Variants in GTF2I observed in about 807,000 individuals in gnomAD.
GTF2I encodes general transcription factor IIi, also known as general transcription factor II-I.
Under a neutral mutation model 67.6 loss-of-function variants are expected in GTF2I, and 12 were observed. The ratio of observed to expected loss-of-function variants is 0.18; its 90% CI spans 0.11 to 0.29. GTF2I has a LOEUF of 0.29. Among genes scored for constraint, GTF2I ranks in the 10% least tolerant of loss-of-function variants. The pLI is 1.00. For synonymous variants in GTF2I, 149 were observed against 197.0 expected (o/e 0.76, Z 2.04); for missense variants, 271 against 580.1 (o/e 0.47, Z 5.47).
At chr7:74,679,004 T>C (rs1786960652) in intron 1 of GTF2I, among the ~76,000 whole-genome samples, 1 of 151,816 alleles carries the variant, frequency 6.6e-6, no homozygotes, top group South Asian at 2.1e-4. Context: ...ACTCCTGACC[T>C]TGTGATTTGC....
intron 3 of GTF2I, among the ~76,000 whole-genome samples, chr7:74,695,106 G>A (rs1369191891): frequency 6.6e-6 from 1 of 152,190 alleles, no homozygotes; most frequent in African/African-American, 2.4e-5. Context: ...TGTATAAGGA[G>A]ATGCTTGCCA....
chr7:74,686,070 G>A lies in GTF2I; in HGVS notation c.-5-3054G>A, dbSNP rs182701167. ...CTTGGTCGCAGTCAGTCTGGGATTC[G>A]TTGCAGGAAGCAACCAATCAGAGGC... On this transcript the variant is annotated intron_variant, in intron 1 of 34. Coordinates refer to ENST00000573035, the MANE Select transcript of GTF2I (RefSeq NM_032999.4). Among the ~76,000 whole-genome samples, 185 of 152,256 alleles carry A rather than the reference G, an allele frequency of 1.2e-3. 1 individual carries two copies. The East Asian group carries it at 0.012, about 10-fold the overall frequency.
intron 3 of GTF2I, among the ~76,000 whole-genome samples, chr7:74,692,851 C>T (rs1323933914): frequency 2.6e-5 from 4 of 152,128 alleles, no homozygotes; most frequent in Admixed American, 6.6e-5. Flanking sequence ...CAACCTCTGC[C>T]TCTTGGGTTC....
At chr7:74,669,353 T>C (rs1584079105) in intron 1 of GTF2I, among the ~76,000 whole-genome samples, 1 of 149,590 alleles carries the variant, frequency 6.7e-6, no homozygotes, top group South Asian at 2.1e-4. Context: ...CTCAGCCTCC[T>C]GAGTAGCTGG....
chr7:74,695,928 G>A (rs932539256), intron 3 of GTF2I, among the ~76,000 whole-genome samples: 2 of 152,016 alleles, frequency 1.3e-5, no homozygotes, highest in Non-Finnish European at 2.9e-5. Context: ...AGCATTAAGG[G>A]CGCTGTCCTC....
intron 10 of GTF2I, among the ~76,000 whole-genome samples, chr7:74,716,134 G>A (rs1554403588): frequency 6.6e-6 from 1 of 151,890 alleles, no homozygotes; most frequent in Admixed American, 6.6e-5. Flanking sequence ...GATCTTTAAG[G>A]ACAGAGGATA....
chr7:74,677,220 T>G (rs1554392668), intron 1 of GTF2I, among the ~76,000 whole-genome samples: 1 of 152,212 alleles, frequency 6.6e-6, no homozygotes, highest in African/African-American at 2.4e-5. Flanking sequence ...GTCAGCTGAT[T>G]GAACTACTAG....
chr7:74,737,600 CGGGGTT>C, intron 18 of GTF2I, among the ~76,000 whole-genome samples: 1 of 123,474 alleles, frequency 8.1e-6, no homozygotes, highest in Admixed American at 8.3e-5. Context: ...AGTTTGGGTG[CGGGGTT>C]AGGAACAGAA....
chr7:74,698,611 T>TA (rs1196281950), intron 3 of GTF2I, among the ~76,000 whole-genome samples: 24 of 151,920 alleles, frequency 1.6e-4, no homozygotes, highest in African/African-American at 5.6e-4. Flanking sequence ...GTGTCCTTGT[T>TA]ATGTTGCCAA....
intron 11 of GTF2I, among the ~76,000 whole-genome samples, chr7:74,717,686 G>A (rs1792426618): frequency 6.6e-6 from 1 of 152,026 alleles, no homozygotes; most frequent in Non-Finnish European, 1.5e-5. Flanking sequence ...ATGAAAAGAG[G>A]AGTCTGTTGT....
chr7:74,706,033 A>G (rs1471496191), intron 7 of GTF2I, among the ~76,000 whole-genome samples: 1 of 150,596 alleles, frequency 6.6e-6, no homozygotes, highest in African/African-American at 2.5e-5. Flanking sequence ...GCTCACTGCA[A>G]CCTCCACCTC....
At chr7:74,714,940 TC>T in intron 10 of GTF2I, 24 bp downstream of exon 10, 6 of 1,437,150 alleles carry the variant, frequency 4.2e-6, no homozygotes, top group Non-Finnish European at 5.8e-6. Flanking sequence ...ACTTCCATTC[TC>T]CCACATACTG....
intron 9 of GTF2I, among the ~76,000 whole-genome samples, chr7:74,712,783 T>TG (rs1415559471): frequency 6.6e-6 from 1 of 151,748 alleles, no homozygotes; most frequent in Non-Finnish European, 1.5e-5. Context: ...CTGCCTCAGC[T>TG]GGGATTTATC....
chr7:74,690,952 T>C (rs1175383739), intron 2 of GTF2I, 21 bp from the exon 3 acceptor site: 2 of 1,601,506 alleles, frequency 1.2e-6, no homozygotes, highest in Non-Finnish European at 1.7e-6. Flanking sequence ...TGTAACATGA[T>C]GTTTGCTGTT....
intron 12 of GTF2I, among the ~76,000 whole-genome samples, chr7:74,728,443 C>G (rs1246439420): frequency 7.0e-6 from 1 of 143,594 alleles, no homozygotes; most frequent in Non-Finnish European, 1.5e-5. Context: ...AGGTGGCTGT[C>G]TTTATTAAAA....
rs587715805 is a variant in GTF2I, at chr7:74,703,861, G to C, written c.587-1303G>C. 1.3e-3 allele frequency among the ~76,000 whole-genome samples: 198 copies of C among 152,156 alleles called. 4 individuals are homozygous for C. In the South Asian group the frequency reaches 0.021, roughly 16 times the overall value. ...GGTAAAGGTATAAATTCATCTTTTT[G>C]CACGTGGATATCCAATGATTCCAGG... is the stretch of plus-strand genomic sequence containing the variant. On this transcript the variant is annotated intron_variant, in intron 6 of 34. Transcript: ENST00000573035.
chr7:74,725,562 TG>T (rs1368769954), intron 12 of GTF2I, among the ~76,000 whole-genome samples: 2 of 148,524 alleles, frequency 1.3e-5, no homozygotes, highest in African/African-American at 4.9e-5. Context: ...GGCGTGGTGG[TG>T]CAGGCCTGTA....
intron 1 of GTF2I, among the ~76,000 whole-genome samples, chr7:74,684,086 T>C (rs1183676835): frequency 8.5e-5 from 13 of 152,278 alleles, no homozygotes; most frequent in Admixed American, 7.2e-4. Context: ...AAAGACTCCA[T>C]GGGCCTGGCT....
intron 1 of GTF2I, among the ~76,000 whole-genome samples, chr7:74,668,122 G>A (rs1166417547): frequency 1.3e-5 from 2 of 150,078 alleles, no homozygotes; most frequent in Non-Finnish European, 3.0e-5. Flanking sequence ...GTGAGCCACC[G>A]CGCCCAGTCT....
Sources: allele counts gnomAD v4.1 joint callset (sites outside exome capture counted in the v4.1 genomes callset), GRCh38; gene constraint gnomAD v4.1.1; transcripts MANE v1.5; gene names NCBI Gene and HGNC (gene_info 2026-07-23, HGNC 2026-07-21).